RBFOX1: variants seen among roughly 807,000 people sequenced by gnomAD.
RBFOX1 encodes RNA binding protein fox-1 homolog 1.
A neutral mutation model predicts 57.7 loss-of-function variants in RBFOX1; 8 were observed. The ratio of observed to expected loss-of-function variants is 0.14; its 90% CI spans 0.08 to 0.25. The LOEUF (loss-of-function observed/expected upper bound fraction) is 0.25, where lower values mean the gene tolerates loss of function less well. Ranked by LOEUF, RBFOX1 falls within the 10% of genes least tolerant of loss-of-function variation. The pLI, the probability that RBFOX1 is intolerant of heterozygous loss-of-function variation, is 1.00. For missense variants in RBFOX1, 611 were observed against 548.5 expected (o/e 1.11, Z -1.14); for synonymous variants, 326 against 222.4 (o/e 1.47, Z -4.15).
chr16:5,924,960 G>C (rs547364318), intron 4 of RBFOX1, among the ~76,000 whole-genome samples: 3 of 152,264 alleles, frequency 2.0e-5, no homozygotes, highest in Admixed American at 2.0e-4. Flanking sequence ...CCCTAAGTTG[G>C]TTCAGGGACC....
intron 3 of RBFOX1, among the ~76,000 whole-genome samples, chr16:6,915,382 T>A (rs1486564006): frequency 6.6e-6 from 1 of 152,170 alleles, no homozygotes; most frequent in Non-Finnish European, 1.5e-5. Context: ...ACACGCAGCT[T>A]CCCAAGCATG....
intron 4 of RBFOX1, among the ~76,000 whole-genome samples, chr16:5,927,323 C>A (rs2058958723): frequency 6.6e-6 from 1 of 152,124 alleles, no homozygotes; most frequent in Non-Finnish European, 1.5e-5. Context: ...TTGTTGAATT[C>A]CAAAATGTTG....
intron 4 of RBFOX1, among the ~76,000 whole-genome samples, chr16:5,966,608 C>A (rs2059848624): frequency 6.6e-6 from 1 of 152,208 alleles, no homozygotes; most frequent in Admixed American, 6.5e-5. Context: ...CACCTTCCAC[C>A]ACAGCCAGCT....
At chr16:5,326,976 G>A (rs11645865) in intron 1 of RBFOX1, among the ~76,000 whole-genome samples, 101,116 of 152,158 alleles carry the variant, frequency 0.66, 39,224 homozygotes, top group Non-Finnish European at 0.85. Flanking sequence ...ACAAACATCC[G>A]TTCTTTGTAA....
intron 3 of RBFOX1, among the ~76,000 whole-genome samples, chr16:5,732,499 A>G (rs1321974376): frequency 1.3e-5 from 2 of 152,288 alleles, no homozygotes; most frequent in South Asian, 2.1e-4. Context: ...AATGTGCAGA[A>G]ATGAGAGATG....
At chr16:7,045,238 C>A (rs906201039) in intron 3 of RBFOX1, among the ~76,000 whole-genome samples, 1 of 151,908 alleles carries the variant, frequency 6.6e-6, no homozygotes. Flanking sequence ...GTGGTGGCAA[C>A]CAGTTTACTA....
At chr16:5,683,078 A>C (rs4786054) in intron 3 of RBFOX1, among the ~76,000 whole-genome samples, 143,715 of 151,514 alleles carry the variant, frequency 0.95, 68,218 homozygotes, top group Non-Finnish European at 0.96. Flanking sequence ...TGAGATAAAG[A>C]CTGGACAATG....
At chr16:6,674,311 A>T (rs1420617488) in intron 3 of RBFOX1, among the ~76,000 whole-genome samples, 1 of 151,586 alleles carries the variant, frequency 6.6e-6, no homozygotes, top group Non-Finnish European at 1.5e-5. Context: ...TGGGTTCTTT[A>T]TTTTTATTTT....
At position 5,729,501 on chromosome 16, in the gene RBFOX1, C is replaced by T. The variant is rs1364488316; in HGVS notation, c.318+130540C>T. Among the ~76,000 whole-genome samples the T allele has an allele frequency of 2.8e-5, 4 of 144,490 alleles. No individual in the cohort carries two copies. The Admixed American group carries it at 2.9e-4, about 10-fold the overall frequency. The allele number at this position is 144,490 out of a possible 152,430, so 94.8% of individuals were successfully genotyped here. The stretch of plus-strand genomic sequence containing the variant: ...ATTTAGGGGATATAAATGTAAAAAT[C>T]ACAGCATGGGGATTCAGAGATAGGC... On this transcript the variant is annotated intron_variant, in intron 3 of 19. Transcript: ENST00000641259.
chr16:6,765,662 C>A (rs994652901), intron 3 of RBFOX1, among the ~76,000 whole-genome samples: 5 of 152,164 alleles, frequency 3.3e-5, no homozygotes, highest in South Asian at 2.1e-4. Context: ...GGGTCTCTAC[C>A]CAGAGGAAAG....
chr16:6,033,095 T>C (rs1049607059), intron 1 of RBFOX1, among the ~76,000 whole-genome samples: 3 of 152,186 alleles, frequency 2.0e-5, no homozygotes, highest in African/African-American at 7.2e-5. Flanking sequence ...CAGTTTACGT[T>C]GTTACCGTGA....
At chr16:7,020,847 C>G (rs1444236934) in intron 3 of RBFOX1, among the ~76,000 whole-genome samples, 1 of 152,124 alleles carries the variant, frequency 6.6e-6, no homozygotes, top group Non-Finnish European at 1.5e-5. Flanking sequence ...TTTCTCGAGG[C>G]CAGTCTTGAA....
chr16:5,592,255 T>C (rs527450210), intron 2 of RBFOX1, among the ~76,000 whole-genome samples: 43 of 152,238 alleles, frequency 2.8e-4, no homozygotes, highest in Non-Finnish European at 2.9e-4. Context: ...GTTCAGTGGG[T>C]TTTAATTTTC....
chr16:5,780,671 C>T (rs2054296819), intron 3 of RBFOX1, among the ~76,000 whole-genome samples: 1 of 152,142 alleles, frequency 6.6e-6, no homozygotes, highest in African/African-American at 2.4e-5. Flanking sequence ...GCTTTGTATC[C>T]CATTCTCCAG....
chr16:6,862,546 C>T (rs537782849), intron 3 of RBFOX1, among the ~76,000 whole-genome samples: 1 of 152,182 alleles, frequency 6.6e-6, no homozygotes, highest in South Asian at 2.1e-4. Flanking sequence ...ACTTAACCAG[C>T]ATCTTGAAGA....
At chr16:5,664,864 C>T (rs2049779292) in intron 3 of RBFOX1, among the ~76,000 whole-genome samples, 1 of 152,130 alleles carries the variant, frequency 6.6e-6, no homozygotes, top group Admixed American at 6.5e-5. Flanking sequence ...GGCCTTGATC[C>T]TGTGTAGAAG....
intron 5 of RBFOX1, among the ~76,000 whole-genome samples, chr16:7,534,957 C>T (rs966405435): frequency 4.7e-4 from 71 of 152,134 alleles, no homozygotes; most frequent in Non-Finnish European, 8.1e-4. Flanking sequence ...GGGCTGAGCC[C>T]TTGGTAATGA....
intron 2 of RBFOX1, among the ~76,000 whole-genome samples, chr16:6,539,214 C>T (rs2096777814): frequency 6.6e-6 from 1 of 151,992 alleles, no homozygotes; most frequent in South Asian, 2.1e-4. Flanking sequence ...ATGATGGAGG[C>T]ACTTATAGGT....
At position 7,557,642 on chromosome 16, in the gene RBFOX1, AG is replaced by A. The variant is rs1409966537; in HGVS notation, c.271-22134del. On this transcript the variant is annotated intron_variant, in intron 5 of 15. Coordinates refer to ENST00000550418, the MANE Select transcript of RBFOX1 (RefSeq NM_018723.4). The stretch of plus-strand genomic sequence containing the variant: ...CTCAAAAAAAAAAAAAAAAAAAAAA[AG>A]AAAAAGAAAAAAAAAAAGCATTTTC... Among the ~76,000 whole-genome samples, 122 of 97,088 alleles carry A rather than the reference AG, an allele frequency of 1.3e-3. 4 individuals are homozygous for A. The highest frequency in any genetic ancestry group is 1.9e-3 in the African/African-American group (59 of 30,306). 63.7% of individuals were successfully genotyped at this position (97,088 alleles called of 152,430 possible).
Sources: gnomAD v4.1 joint callset for allele counts (sites outside exome capture counted in the v4.1 genomes callset) on GRCh38, gnomAD v4.1.1 for gene constraint, MANE v1.5 for transcripts, NCBI Gene and HGNC (gene_info 2026-07-23, HGNC 2026-07-21) for gene names.